ZNF385D: variants seen among roughly 807,000 people sequenced by gnomAD.
The protein encoded by ZNF385D is zinc finger protein 659.
Under a neutral mutation model 35.8 loss-of-function variants are expected in ZNF385D, and 15 were observed. The ratio of observed to expected loss-of-function variants is 0.42; its 90% CI spans 0.28 to 0.64. The LOEUF (loss-of-function observed/expected upper bound fraction) is 0.64, where lower values mean the gene tolerates loss of function less well. Ranked by LOEUF, ZNF385D falls within the 30% of genes least tolerant of loss-of-function variation. The pLI, the probability that ZNF385D is intolerant of heterozygous loss-of-function variation, is 0.23. For missense variants in ZNF385D, 474 were observed against 494.6 expected, an observed-to-expected ratio of 0.96 and a Z score of 0.39; for synonymous variants, 212 against 186.8, an observed-to-expected ratio of 1.13 and a Z score of -1.10.
intron 2 of ZNF385D, among the ~76,000 whole-genome samples, chr3:22,367,622 G>T (rs912207181): frequency 1.3e-5 from 2 of 151,728 alleles, no homozygotes; most frequent in Admixed American, 1.3e-4. Context: ...ATGCCTTCTG[G>T]AGTTTCCTGT....
chr3:22,353,718 C>G (rs931525673), intron 2 of ZNF385D, among the ~76,000 whole-genome samples: 4 of 152,124 alleles, frequency 2.6e-5, no homozygotes, highest in Non-Finnish European at 5.9e-5. Flanking sequence ...CTTCTACAGT[C>G]CTGTTCCTTC....
At chr3:22,111,516 C>A (rs1202129215) in intron 3 of ZNF385D, among the ~76,000 whole-genome samples, 1 of 152,046 alleles carries the variant, frequency 6.6e-6, no homozygotes, top group African/African-American at 2.4e-5. Context: ...GAAAAAGCCA[C>A]ATGGAAGTGA....
intron 3 of ZNF385D, among the ~76,000 whole-genome samples, chr3:21,963,261 C>A (rs960497322): frequency 2.0e-5 from 3 of 152,068 alleles, no homozygotes; most frequent in Admixed American, 6.6e-5. Flanking sequence ...ATCTTTCATT[C>A]TTGTGGTAGC....
intron 2 of ZNF385D, among the ~76,000 whole-genome samples, chr3:22,215,205 A>G (rs1211526241): frequency 6.6e-6 from 1 of 152,038 alleles, no homozygotes; most frequent in Non-Finnish European, 1.5e-5. Flanking sequence ...TTGTTCGTAC[A>G]GCATGCGTGT....
intron 3 of ZNF385D, among the ~76,000 whole-genome samples, chr3:22,094,585 G>T (rs1410335331): frequency 6.6e-6 from 1 of 151,572 alleles, no homozygotes; most frequent in East Asian, 1.9e-4. Context: ...GAATATGAAG[G>T]GCCTGGAACT....
At chr3:21,443,095 T>C in intron 4 of ZNF385D, 1 of 982,006 alleles carries the variant, frequency 1.0e-6, no homozygotes, top group Non-Finnish European at 1.2e-6. Flanking sequence ...TAGAAAGTGC[T>C]TTAAACGGCC....
intron 3 of ZNF385D, among the ~76,000 whole-genome samples, chr3:22,131,295 G>A (rs1327276930): frequency 6.6e-6 from 1 of 152,066 alleles, no homozygotes; most frequent in Non-Finnish European, 1.5e-5. Context: ...TTAGCAGCAT[G>A]AAGTCATTGG....
chr3:21,424,130 G>C, intron 6 of ZNF385D, 66 bp from the exon 7 acceptor site: 1 of 1,368,000 alleles, frequency 7.3e-7, no homozygotes, highest in Non-Finnish European at 1.0e-6. Context: ...CACAAATATT[G>C]CTTTAACCTG....
At chr3:21,611,481 G>T (rs932934733) in intron 2 of ZNF385D, among the ~76,000 whole-genome samples, 1 of 152,164 alleles carries the variant, frequency 6.6e-6, no homozygotes, top group African/African-American at 2.4e-5. Flanking sequence ...GTAACCACAT[G>T]AGCTGGAACA....
At chr3:22,037,363 T>C (rs1408946175) in intron 3 of ZNF385D, among the ~76,000 whole-genome samples, 1 of 151,316 alleles carries the variant, frequency 6.6e-6, no homozygotes, top group Non-Finnish European at 1.5e-5. Context: ...CCACATCCTC[T>C]CCAGCACCTG....
intron 3 of ZNF385D, among the ~76,000 whole-genome samples, chr3:21,960,080 C>T (rs994537804): frequency 4.1e-5 from 6 of 146,018 alleles, no homozygotes; most frequent in Middle Eastern, 3.4e-3. Flanking sequence ...TCTGTACAGC[C>T]AAGAATACAA....
At chr3:21,608,743 A>C (rs1484582555) in intron 2 of ZNF385D, among the ~76,000 whole-genome samples, 2 of 152,144 alleles carry the variant, frequency 1.3e-5, no homozygotes, top group Non-Finnish European at 2.9e-5. Flanking sequence ...TTTTGGTTTC[A>C]TGTAGAAGTC....
chr3:21,670,194 A>G (rs1396517745), intron 1 of ZNF385D, among the ~76,000 whole-genome samples: 1 of 152,104 alleles, frequency 6.6e-6, no homozygotes, highest in Non-Finnish European at 1.5e-5. Flanking sequence ...GATCATTTCT[A>G]TAGTATCTTT....
intron 2 of ZNF385D, among the ~76,000 whole-genome samples, chr3:21,663,807 T>C (rs554307144): frequency 4.8e-4 from 72 of 148,824 alleles, no homozygotes; most frequent in African/African-American, 1.5e-3. Context: ...CTCATTGACA[T>C]GTCCAAAGGC....
chr3:21,503,912 C>T (rs1706582116), intron 4 of ZNF385D, among the ~76,000 whole-genome samples: 1 of 152,096 alleles, frequency 6.6e-6, no homozygotes, highest in Non-Finnish European at 1.5e-5. Flanking sequence ...AAGTATTTTA[C>T]TTTTGGTACC....
chr3:21,909,848 A>G (rs1699875435), intron 3 of ZNF385D, among the ~76,000 whole-genome samples: 2 of 152,076 alleles, frequency 1.3e-5, no homozygotes, highest in South Asian at 4.1e-4. Context: ...TACATGGGAC[A>G]ACTCTTTCGA....
At chr3:22,340,666 G>A (rs964313126) in intron 2 of ZNF385D, among the ~76,000 whole-genome samples, 1 of 152,048 alleles carries the variant, frequency 6.6e-6, no homozygotes. Context: ...ATAATAAGAT[G>A]TGAATAGGAC....
rs1700509134 is a variant in ZNF385D at position 21,412,709 on chromosome 3, T to C, written c.*8505A>G. On this transcript the variant is annotated 3_prime_UTR_variant, in exon 8 of 8. Transcript: ENST00000281523. Reference sequence around the variant, plus strand: ...CAGAGAGCTTTCATCCATAAAAATATCACTGGTGTCTTTCTTTTACTAAAA... The same window carrying C: ...CAGAGAGCTTTCATCCATAAAAATACCACTGGTGTCTTTCTTTTACTAAAA... The C allele has an allele frequency of 7.2e-6, 1 of 139,204 alleles. No individual in the cohort carries two copies. The highest frequency in any genetic ancestry group is 7.1e-5 in the Admixed American group (1 of 14,072). The allele number at this position is 139,204 out of a possible 1,614,324, so 8.6% of individuals were successfully genotyped here.
chr3:22,224,859 C>G (rs958635232), intron 2 of ZNF385D, among the ~76,000 whole-genome samples: 1 of 152,086 alleles, frequency 6.6e-6, no homozygotes, highest in Non-Finnish European at 1.5e-5. Flanking sequence ...AGAGTTGGCA[C>G]CTCTATTCAT....
Sources: gnomAD v4.1 joint callset for allele counts (sites outside exome capture counted in the v4.1 genomes callset) on GRCh38, gnomAD v4.1.1 for gene constraint, MANE v1.5 for transcripts, NCBI Gene and HGNC (gene_info 2026-07-23, HGNC 2026-07-21) for gene names.